Variants in CSMD1 observed in about 807,000 individuals in gnomAD.
CSMD1 encodes CUB and sushi domain-containing protein 1.
A neutral mutation model predicts 417.5 loss-of-function variants in CSMD1; 213 were observed. The observed-to-expected ratio is 0.51, with a 90% confidence interval of 0.46 to 0.57. The LOEUF (loss-of-function observed/expected upper bound fraction) is 0.57. CSMD1 is among the 20% of genes least tolerant of loss of function. The probability of loss-of-function intolerance (pLI) is 0.00; values close to 1 mark genes in which losing one functional copy is unlikely to be tolerated. For synonymous variants in CSMD1, 2,862 were observed against 1,736.8 expected, an observed-to-expected ratio of 1.65 and a Z score of -16.11; for missense variants, 6,923 against 4,529.7, an observed-to-expected ratio of 1.53 and a Z score of -15.17.
intron 3 of CSMD1, among the ~76,000 whole-genome samples, chr8:4,296,772 T>C (rs1172735834): frequency 2.2e-5 from 3 of 137,092 alleles, no homozygotes; most frequent in Admixed American, 7.9e-5. Flanking sequence ...TTCTAAATAA[T>C]AGCTTTATGC....
intron 1 of CSMD1, among the ~76,000 whole-genome samples, chr8:4,912,135 A>AAAAAAAAAAAAAAAAAAAAAAAAAAAAAG (rs765904838): frequency 4.1e-4 from 47 of 115,534 alleles, no homozygotes; most frequent in Middle Eastern, 5.1e-3. Flanking sequence ...AAAAAAAAAA[A>AAAAAAAAAAAAAAAAAAAAAAAAAAAAAG]AAAAAAGAAA....
intron 3 of CSMD1, among the ~76,000 whole-genome samples, chr8:4,322,054 C>T (rs1352327174): frequency 1.3e-5 from 2 of 152,026 alleles, no homozygotes; most frequent in African/African-American, 4.8e-5. Flanking sequence ...ATGCCTAATT[C>T]ACAGATACTT....
intron 5 of CSMD1, among the ~76,000 whole-genome samples, chr8:3,790,814 G>T (rs964731621): frequency 6.6e-6 from 1 of 152,116 alleles, no homozygotes; most frequent in South Asian, 2.1e-4. Flanking sequence ...TCGATAATGG[G>T]ACCTGGAGAT....
chr8:4,028,632 A>T (rs955712218), intron 4 of CSMD1, among the ~76,000 whole-genome samples: 3 of 152,234 alleles, frequency 2.0e-5, no homozygotes, highest in African/African-American at 7.2e-5. Flanking sequence ...TTACAATCCT[A>T]GATTAAAAGC....
chr8:4,372,155 C>T (rs1255250559), intron 3 of CSMD1, among the ~76,000 whole-genome samples: 1 of 152,210 alleles, frequency 6.6e-6, no homozygotes, highest in Non-Finnish European at 1.5e-5. Context: ...TTTCTCTAAC[C>T]TTCTACTTGT....
At chr8:4,718,638 C>G (rs1397640354) in intron 1 of CSMD1, among the ~76,000 whole-genome samples, 1 of 151,570 alleles carries the variant, frequency 6.6e-6, no homozygotes, top group Non-Finnish European at 1.5e-5. Context: ...AACTGGAAAA[C>G]CAAATAAAAT....
rs750101271 is a variant in CSMD1 at position 3,396,264 on chromosome 8, C to G, written c.2523G>C (p.Gly841=). 16 of 1,588,426 alleles carry G rather than the reference C, an allele frequency of 1.0e-5. No homozygotes were observed. The highest frequency in any genetic ancestry group is 1.8e-5 in the Admixed American group (1 of 56,060). Residue 841 remains glycine (G), a synonymous_variant, in exon 17 of 70, where the codon GGG becomes GGC. Coordinates refer to ENST00000635120, the MANE Select transcript of CSMD1 (RefSeq NM_033225.6). Reference sequence around the variant, plus strand: ...TGGTGAACAGCAGGTACATGAAGTTCCCGGTGCTGATGAGGAACTGGGGTG... The same window carrying G: ...TGGTGAACAGCAGGTACATGAAGTTGCCGGTGCTGATGAGGAACTGGGGTG... The part of the protein sequence containing the change: ...TQAPQFLIST[G]NFMYLLFTTD...
intron 3 of CSMD1, among the ~76,000 whole-genome samples, chr8:4,272,564 T>C (rs1279190418): frequency 6.6e-6 from 1 of 152,236 alleles, no homozygotes; most frequent in African/African-American, 2.4e-5. Context: ...TAATACCAGT[T>C]ATTTACTTGC....
At chr8:4,749,852 G>C (rs188085572) in intron 1 of CSMD1, among the ~76,000 whole-genome samples, 117 of 152,114 alleles carry the variant, frequency 7.7e-4, no homozygotes, top group Non-Finnish European at 1.3e-3. Context: ...CCAGGGTGTG[G>C]ATTTACGGCA....
chr8:4,157,392 T>C (rs1007603078), intron 3 of CSMD1, among the ~76,000 whole-genome samples: 7 of 152,170 alleles, frequency 4.6e-5, no homozygotes, highest in South Asian at 2.1e-4. Context: ...AGCTCAAAGG[T>C]TGAATTGAAA....
chr8:4,144,650 G>C (rs889097247), intron 3 of CSMD1, among the ~76,000 whole-genome samples: 4 of 150,972 alleles, frequency 2.6e-5, no homozygotes, highest in South Asian at 4.1e-4. Context: ...TTTATCAGGA[G>C]ATAATCAGCA....
intron 5 of CSMD1, among the ~76,000 whole-genome samples, chr8:3,960,691 A>C (rs1286456499): frequency 1.3e-5 from 2 of 151,920 alleles, no homozygotes; most frequent in Non-Finnish European, 2.9e-5. Context: ...TATAAAGATA[A>C]ATTTAATAAG....
intron 11 of CSMD1, among the ~76,000 whole-genome samples, chr8:3,492,082 G>C (rs182694239): frequency 2.0e-5 from 3 of 152,204 alleles, no homozygotes; most frequent in Non-Finnish European, 4.4e-5. Flanking sequence ...ATTCAACAAG[G>C]TGTATGTGAA....
intron 5 of CSMD1, among the ~76,000 whole-genome samples, chr8:3,770,252 G>A (rs1235607887): frequency 6.6e-6 from 1 of 152,200 alleles, no homozygotes; most frequent in Non-Finnish European, 1.5e-5. Context: ...AGGCAACTGG[G>A]CACAGTGTCT....
intron 2 of CSMD1, among the ~76,000 whole-genome samples, chr8:4,460,666 G>A (rs575579380): frequency 7.6e-5 from 10 of 131,098 alleles, no homozygotes; most frequent in African/African-American, 4.2e-4. Flanking sequence ...GAAGAAGACT[G>A]TAAGAGAATT....
At chr8:4,816,237 T>C (rs769604085) in intron 1 of CSMD1, among the ~76,000 whole-genome samples, 1 of 151,910 alleles carries the variant, frequency 6.6e-6, no homozygotes, top group Admixed American at 6.6e-5. Context: ...CAGTTTGGAG[T>C]GCAGTAGTGC....
chr8:3,726,253 G>C (rs1331183692), intron 6 of CSMD1, among the ~76,000 whole-genome samples: 2 of 152,194 alleles, frequency 1.3e-5, no homozygotes, highest in Non-Finnish European at 2.9e-5. Flanking sequence ...GGCTGGGAAA[G>C]AACAGCCCAG....
chr8:3,194,512 C>A lies in CSMD1; in HGVS notation c.5195-4397G>T, dbSNP rs146032910. Among the ~76,000 whole-genome samples the A allele has an allele frequency of 4.2e-3, 638 of 151,042 alleles. 3 individuals are homozygous for A. Among genetic ancestry groups the A allele is most frequent in the African/African-American group, 0.015 (603 of 41,250 alleles). On this transcript the variant is annotated intron_variant, in intron 33 of 69. Transcript: ENST00000635120. ...TCATTCTGTCACCCAGGCTGGAGTA[C>A]AGTGGTGTGATCTAGGCTCACTACA...
intron 3 of CSMD1, among the ~76,000 whole-genome samples, chr8:4,178,217 A>G (rs971916367): frequency 2.6e-5 from 4 of 152,310 alleles, no homozygotes; most frequent in Non-Finnish European, 4.4e-5. Context: ...CAGCACATCA[A>G]AAAGCTAATC....
Sources: allele counts gnomAD v4.1 joint callset (sites outside exome capture counted in the v4.1 genomes callset), GRCh38; gene constraint gnomAD v4.1.1; transcripts MANE v1.5; gene names NCBI Gene and HGNC (gene_info 2026-07-23, HGNC 2026-07-21).